Variants in PCDHGA11 observed in about 807,000 individuals in gnomAD.
PCDHGA11 encodes the protein protocadherin gamma-A11.
Under a neutral mutation model 60.4 loss-of-function variants are expected in PCDHGA11, and 39 were observed. That is an observed-to-expected ratio of 0.65 (90% CI 0.50 to 0.84). The LOEUF (loss-of-function observed/expected upper bound fraction) is 0.84, where lower values mean the gene tolerates loss of function less well. Among genes scored for constraint, PCDHGA11 ranks in the 40% least tolerant of loss-of-function variants. The probability of loss-of-function intolerance (pLI) is 0.00; values close to 1 mark genes in which losing one functional copy is unlikely to be tolerated. For synonymous variants in PCDHGA11, 533 were observed against 510.3 expected (o/e 1.04, Z -0.60); for missense variants, 1,165 against 1,197.7 (o/e 0.97, Z 0.40).
intron 1 of PCDHGA11, chr5:141,478,451 G>A (rs377597887): frequency 2.5e-6 from 4 of 1,613,440 alleles, no homozygotes; most frequent in African/African-American, 2.7e-5. Context: ...ACCTGGTGCA[G>A]CCAGTCCACT....
chr5:141,430,383 GAAA>G (rs139772145), intron 1 of PCDHGA11, among the ~76,000 whole-genome samples: 9 of 138,566 alleles, frequency 6.5e-5, no homozygotes, highest in African/African-American at 2.4e-4. Context: ...AGCTCATTGG[GAAA>G]AAAAAAAAAA....
intron 1 of PCDHGA11, chr5:141,428,210 A>T: frequency 7.7e-7 from 1 of 1,293,350 alleles, no homozygotes; most frequent in Non-Finnish European, 1.1e-6. Flanking sequence ...GCTACGCTTC[A>T]CCTAGTCTTC....
chr5:141,465,782 T>G (rs2099109563), intron 1 of PCDHGA11, among the ~76,000 whole-genome samples: 1 of 152,076 alleles, frequency 6.6e-6, no homozygotes, highest in African/African-American at 2.4e-5. Flanking sequence ...TGTTACAGTT[T>G]TTTTTTTTTT....
intron 1 of PCDHGA11, chr5:141,427,490 T>C (rs752745429): frequency 1.8e-6 from 1 of 551,082 alleles, no homozygotes; most frequent in Non-Finnish European, 3.5e-6. Flanking sequence ...ACTATAAGCT[T>C]GTAACAGATG....
intron 1 of PCDHGA11, among the ~76,000 whole-genome samples, chr5:141,484,752 A>G (rs181317421): frequency 6.6e-5 from 10 of 151,098 alleles, no homozygotes; most frequent in Admixed American, 3.3e-4. Context: ...AAAAAAATGT[A>G]TATATATATA....
intron 1 of PCDHGA11, among the ~76,000 whole-genome samples, chr5:141,463,088 C>T (rs768488458): frequency 6.6e-6 from 1 of 152,108 alleles, no homozygotes; most frequent in Non-Finnish European, 1.5e-5. Flanking sequence ...ATTTTCCAGC[C>T]CTATGTGACC....
chr5:141,453,732 C>T (rs182118864), intron 1 of PCDHGA11, among the ~76,000 whole-genome samples: 9 of 152,332 alleles, frequency 5.9e-5, no homozygotes. Context: ...TTTGTTACTA[C>T]AGCTTAAATA....
intron 2 of PCDHGA11, among the ~76,000 whole-genome samples, chr5:141,500,184 T>TTTTATTTATTTATTTA (rs58019021): frequency 1.5e-5 from 2 of 135,886 alleles, no homozygotes; most frequent in African/African-American, 5.4e-5. Flanking sequence ...TCATTTTTAT[T>TTTTATTTATTTATTTA]TTTATTTATT....
Position 141,421,192 on chromosome 5 carries a change from C to G in PCDHGA11, c.-36C>G, listed in dbSNP as rs758345796. On this transcript the variant is annotated 5_prime_UTR_variant, in exon 1 of 4. Coordinates refer to ENST00000398587, the MANE Select transcript of PCDHGA11 (RefSeq NM_018914.3). ...CATAAGCCGATTCACAACCAACCAG[C>G]TCGAGAAACCGCGGAATATCGGCTT... 22 of 1,491,716 alleles carry G rather than the reference C, an allele frequency of 1.5e-5. No individual in the cohort carries two copies. Among genetic ancestry groups the G allele is most frequent in the Non-Finnish European group, 1.9e-5 (21 of 1,117,990 alleles). The allele number at this position is 1,491,716 out of a possible 1,614,324, so 92.4% of individuals were successfully genotyped here. A position where few individuals can be genotyped will look rare whatever the true frequency, so the allele number is the denominator to read the frequency against.
In PCDHGA11 at chr5:141,432,645, C is replaced by T. The variant is rs758701539; in HGVS notation, c.2433+8985C>T. On this transcript the variant is annotated intron_variant, in intron 1 of 3. Coordinates refer to ENST00000398587, the MANE Select transcript of PCDHGA11 (RefSeq NM_018914.3). The surrounding 1 kb of genome is among the most constrained non-coding windows in gnomAD (Gnocchi z 6.0). Reference sequence around the variant, plus strand: ...CTGCACACGGGCGAGGTGCGCACGGCGCGAGCCCTGCTGGACAGAGACGCG... The same window carrying T: ...CTGCACACGGGCGAGGTGCGCACGGTGCGAGCCCTGCTGGACAGAGACGCG... 1 of 1,613,746 alleles carries T rather than the reference C, an allele frequency of 6.2e-7. No homozygotes were observed. Among genetic ancestry groups the T allele is most frequent in the Admixed American group, 1.7e-5 (1 of 60,006 alleles).
Position 141,431,698 on chromosome 5 carries a change from A to ATTC in PCDHGA11, c.2433+8040_2433+8042dup. 6.2e-7 allele frequency: 1 copy of ATTC among 1,614,222 alleles called. No homozygotes were observed. Among genetic ancestry groups the ATTC allele is most frequent in the Non-Finnish European group, 8.5e-7 (1 of 1,180,036 alleles). The stretch of plus-strand genomic sequence containing the variant: ...GGGAGTTGGACCACGAGGAGTCAGG[A>ATTC]TTCTACCAGATGGAAGTGCAAGCAA... On this transcript the variant is annotated intron_variant, in intron 1 of 3. Coordinates refer to ENST00000398587, the MANE Select transcript of PCDHGA11 (RefSeq NM_018914.3). This position sits in a 1 kb window ranked among gnomAD's most constrained non-coding sequence, Gnocchi z 4.8.
chr5:141,423,744 A>T, intron 1 of PCDHGA11, 84 bp downstream of exon 1: 4 of 429,458 alleles, frequency 9.3e-6, no homozygotes, highest in Non-Finnish European at 8.7e-6. Context: ...TGTTATGAAA[A>T]CTGTTTGGGG....
At position 141,487,254 on chromosome 5, in the gene PCDHGA11, C is replaced by T. The variant is rs1341564301; in HGVS notation, c.2434-7553C>T. On this transcript the variant is annotated intron_variant, in intron 1 of 3. Coordinates refer to ENST00000398587, the MANE Select transcript of PCDHGA11 (RefSeq NM_018914.3). The surrounding 1 kb of genome is among the most constrained non-coding windows in gnomAD (Gnocchi z 5.0). Reference sequence around the variant, plus strand: ...GAATCTCGTCTAACCCTCTACTTGGCTGTGTCCCTAGTGGCAATTTGCTTT... The same window carrying T: ...GAATCTCGTCTAACCCTCTACTTGGTTGTGTCCCTAGTGGCAATTTGCTTT... The T allele has an allele frequency of 1.2e-6, 2 of 1,614,126 alleles. No homozygotes were observed. Among genetic ancestry groups the T allele is most frequent in the East Asian group, 4.5e-5 (2 of 44,860 alleles).
At chr5:141,447,027 T>TG (rs563674341) in intron 1 of PCDHGA11, among the ~76,000 whole-genome samples, 103 of 152,252 alleles carry the variant, frequency 6.8e-4, no homozygotes, top group South Asian at 2.3e-3. Flanking sequence ...TGTTTTGTTT[T>TG]TTTTCTGTGT....
Position 141,431,587 on chromosome 5 carries a change from A to C in PCDHGA11, c.2433+7927A>C. On this transcript the variant is annotated intron_variant, in intron 1 of 3. Coordinates refer to ENST00000398587, the MANE Select transcript of PCDHGA11 (RefSeq NM_018914.3). This position sits in a 1 kb window ranked among gnomAD's most constrained non-coding sequence, Gnocchi z 4.8. ...ACCCTGACGAAGGAGTCAATGCGGA[A>C]GTGAGGTATTCCTTCCGGTATGTGG... The C allele has an allele frequency of 1.2e-6, 2 of 1,614,236 alleles. No homozygotes were observed. Among genetic ancestry groups the C allele is most frequent in the Non-Finnish European group, 1.7e-6 (2 of 1,180,036 alleles).
At chr5:141,484,790 A>T (rs1562101198) in intron 1 of PCDHGA11, among the ~76,000 whole-genome samples, 1 of 152,076 alleles carries the variant, frequency 6.6e-6, no homozygotes, top group Admixed American at 6.6e-5. Flanking sequence ...CACAGAGATA[A>T]CAACCCGTGG....
chr5:141,480,429 T>C (rs72790066), intron 1 of PCDHGA11, among the ~76,000 whole-genome samples: 4 of 151,864 alleles, frequency 2.6e-5, no homozygotes, highest in African/African-American at 9.7e-5. Flanking sequence ...AAAAAAATTA[T>C]CAGCTATTAC....
rs1002764667 is a variant in PCDHGA11, at chr5:141,468,260, G to A, written c.2434-26547G>A. 4.0e-5 allele frequency among the ~76,000 whole-genome samples: 6 copies of A among 150,102 alleles called. No homozygotes were observed. The East Asian group carries it at 1.2e-3, about 30-fold the overall frequency. ...GAATTGCCTGAACCTGGGAGGCAGA[G>A]GTTGTGGTGAGCCGAGACCACGCCA... On this transcript the variant is annotated intron_variant, in intron 1 of 3. Coordinates refer to ENST00000398587, the MANE Select transcript of PCDHGA11 (RefSeq NM_018914.3).
chr5:141,421,307 T>C lies in PCDHGA11; in HGVS notation c.80T>C (p.Phe27Ser). The change falls in exon 1 of 4, where the codon TTC becomes TCC. Residue 27 changes from phenylalanine (F) to serine (S), a missense_variant. Coordinates refer to ENST00000398587, the MANE Select transcript of PCDHGA11 (RefSeq NM_018914.3). ...ATTTTCCTGGGGACGCTGCGGGGGT[T>C]CCGGGCCAGGCAGATCCGATATTCG... is the stretch of plus-strand genomic sequence containing the variant. ...LCIFLGTLRG[F>S]RARQIRYSVP... 10 of 1,613,674 alleles carry C rather than the reference T, an allele frequency of 6.2e-6. No individual in the cohort carries two copies. Among genetic ancestry groups the C allele is most frequent in the Non-Finnish European group, 8.5e-6 (10 of 1,179,866 alleles).
Sources: gnomAD v4.1 joint callset for allele counts (sites outside exome capture counted in the v4.1 genomes callset) on GRCh38, gnomAD v4.1.1 for gene constraint, Gnocchi (gnomAD v3.1) non-coding constraint, MANE v1.5 for transcripts, NCBI Gene and HGNC (gene_info 2026-07-23, HGNC 2026-07-21) for gene names.